Variants in LYRM4 observed in about 807,000 individuals in gnomAD.
LYRM4 encodes the protein LYR motif containing 4, also known as LYR motif-containing protein 4.
LYRM4 carries 9 observed loss-of-function variants against 11.7 expected under a neutral mutation model. The observed-to-expected ratio is 0.77, with a 90% CI of 0.46 to 1.34. The LOEUF (loss-of-function observed/expected upper bound fraction) is 1.34. LYRM4 is among the 40% of genes most tolerant of loss of function. The probability of loss-of-function intolerance (pLI) is 0.00; values close to 1 mark genes in which losing one functional copy is unlikely to be tolerated. For synonymous variants in LYRM4, 42 were observed against 40.4 expected (o/e 1.04, Z -0.15); for missense variants, 133 against 112.5 (o/e 1.18, Z -0.82).
intron 2 of LYRM4, among the ~76,000 whole-genome samples, chr6:5,119,379 G>A (rs1763299270): frequency 6.6e-6 from 1 of 152,180 alleles, no homozygotes; most frequent in Non-Finnish European, 1.5e-5. Context: ...TATAGATAGA[G>A]CGCTTGTTCA....
intron 2 of LYRM4, among the ~76,000 whole-genome samples, chr6:5,172,306 G>A (rs960297905): frequency 6.6e-6 from 1 of 152,176 alleles, no homozygotes; most frequent in Non-Finnish European, 1.5e-5. Flanking sequence ...CATCACCTGA[G>A]CGGCAACAAT....
chr6:5,066,485 A>G, the LYRM4 span: 1 of 767,576 alleles, frequency 1.3e-6, no homozygotes, highest in Non-Finnish European at 2.4e-6. Flanking sequence ...GAGAAGCCAT[A>G]GCGGGTGGTT....
Position 5,123,357 on chromosome 6 carries a change from G to A in LYRM4, c.208-13866C>T, listed in dbSNP as rs556401463. Among the ~76,000 whole-genome samples, 6 of 152,324 alleles carry A rather than the reference G, an allele frequency of 3.9e-5. No homozygotes were observed. The East Asian group carries it at 9.7e-4, about 25-fold the overall frequency. On this transcript the variant is annotated intron_variant, in intron 2 of 2. Transcript: ENST00000330636. Reference sequence around the variant, plus strand: ...GGGACATGGGCAGTCAGCAGTGGTGGGACAGGGGGCGGTGAGCAGGGAACA... The same window carrying A: ...GGGACATGGGCAGTCAGCAGTGGTGAGACAGGGGGCGGTGAGCAGGGAACA...
the LYRM4 span, among the ~76,000 whole-genome samples, chr6:5,061,243 GTC>G: frequency 6.6e-6 from 1 of 151,220 alleles, no homozygotes; most frequent in African/African-American, 2.4e-5. Flanking sequence ...TTAGATTTTT[GTC>G]TCTTTTAACC....
intron 2 of LYRM4, among the ~76,000 whole-genome samples, chr6:5,117,887 T>A (rs1037295099): frequency 1.3e-5 from 2 of 150,360 alleles, no homozygotes; most frequent in African/African-American, 5.0e-5. Flanking sequence ...TCTTAACAGT[T>A]TTTTTTTCCT....
At chr6:5,174,673 C>G (rs1759619762) in intron 2 of LYRM4, among the ~76,000 whole-genome samples, 1 of 152,152 alleles carries the variant, frequency 6.6e-6, no homozygotes. Context: ...GTCTAATTTT[C>G]TATAACTTTT....
intron 1 of LYRM4, among the ~76,000 whole-genome samples, chr6:5,247,043 G>A (rs903653355): frequency 6.6e-6 from 1 of 152,156 alleles, no homozygotes; most frequent in Non-Finnish European, 1.5e-5. Flanking sequence ...GTCTAATCCG[G>A]GTGCTGAGAC....
At chr6:5,073,072 T>C in the LYRM4 span, among the ~76,000 whole-genome samples, 1 of 152,072 alleles carries the variant, frequency 6.6e-6, no homozygotes, top group South Asian at 2.1e-4. Flanking sequence ...TGTATGTCAG[T>C]TATTAAAAAA....
chr6:5,237,037 T>A (rs188265566), intron 1 of LYRM4, among the ~76,000 whole-genome samples: 1 of 152,186 alleles, frequency 6.6e-6, no homozygotes, highest in Non-Finnish European at 1.5e-5. Context: ...TTTGACTCTG[T>A]CCGTGGGAAA....
the LYRM4 span, among the ~76,000 whole-genome samples, chr6:5,070,558 T>C: frequency 6.6e-6 from 1 of 152,184 alleles, no homozygotes; most frequent in African/African-American, 2.4e-5. Context: ...AAAATATATT[T>C]ATCTTCAGAA....
downstream of LYRM4, chr6:5,104,161 C>G (rs926557808): frequency 1.3e-5 from 2 of 152,582 alleles, no homozygotes; most frequent in African/African-American, 4.8e-5. Flanking sequence ...CCCCCACCAG[C>G]CCTCCTCTTC....
At chr6:5,065,525 T>C in the LYRM4 span, among the ~76,000 whole-genome samples, 279 of 152,288 alleles carry the variant, frequency 1.8e-3, 3 homozygotes, top group African/African-American at 6.6e-3. Flanking sequence ...GAAAGTGAAA[T>C]ATTTAAATAG....
chr6:5,152,245 G>A (rs1758129240), intron 2 of LYRM4, among the ~76,000 whole-genome samples: 1 of 152,122 alleles, frequency 6.6e-6, no homozygotes, highest in African/African-American at 2.4e-5. Context: ...GGCAGACTCA[G>A]CTCTGTGTTT....
chr6:5,154,797 CGA>C (rs1758306954), intron 2 of LYRM4, among the ~76,000 whole-genome samples: 1 of 151,554 alleles, frequency 6.6e-6, no homozygotes, highest in Admixed American at 6.6e-5. Context: ...CCAGCCTGGG[CGA>C]CAGAGCGAGA....
At chr6:5,085,321 G>C in the LYRM4 span, 1 of 554,598 alleles carries the variant, frequency 1.8e-6, no homozygotes, top group East Asian at 3.4e-5. Context: ...CTAAAAGCCG[G>C]AGGCTCCAAA....
intron 1 of LYRM4, among the ~76,000 whole-genome samples, chr6:5,234,909 C>A (rs1763449960): frequency 6.6e-6 from 1 of 152,152 alleles, no homozygotes; most frequent in South Asian, 2.1e-4. Context: ...ATGCCAAACT[C>A]CTGTCCCCCT....
At chr6:5,050,286 T>C in the LYRM4 span, among the ~76,000 whole-genome samples, 34 of 152,366 alleles carry the variant, frequency 2.2e-4, no homozygotes, top group Middle Eastern at 3.4e-3. Context: ...CAGCTATGCA[T>C]GTGTGCCTGA....
chr6:5,109,656 C>T (rs1762788016), intron 2 of LYRM4, among the ~76,000 whole-genome samples, 165 bp from the exon 3 acceptor site: 1 of 152,250 alleles, frequency 6.6e-6, no homozygotes, highest in Non-Finnish European at 1.5e-5. Context: ...AGAGCACCAT[C>T]CAACCCCCGT....
In LYRM4 at chr6:5,127,984, C is replaced by T. The variant is rs1024583369; in HGVS notation, c.208-18493G>A. 5.3e-5 allele frequency among the ~76,000 whole-genome samples: 8 copies of T among 152,326 alleles called. No individual in the cohort carries two copies. In the South Asian group the frequency reaches 1.5e-3, roughly 28 times the overall value. On this transcript the variant is annotated intron_variant, in intron 2 of 2. Transcript: ENST00000330636. ...AGAGAGGGTCCCTGTACCCTTCACCCTATTTCCTCCAATGGAGACATCCTG... is the reference window on the plus strand; with the variant it reads ...AGAGAGGGTCCCTGTACCCTTCACCTTATTTCCTCCAATGGAGACATCCTG...
Sources: gnomAD v4.1 joint callset for allele counts (sites outside exome capture counted in the v4.1 genomes callset) on GRCh38, gnomAD v4.1.1 for gene constraint, MANE v1.5 for transcripts, NCBI Gene and HGNC (gene_info 2026-07-23, HGNC 2026-07-21) for gene names.